ENO3: variants seen among roughly 807,000 people sequenced by gnomAD.
ENO3 encodes the protein enolase 3.
Under a neutral mutation model 47.7 loss-of-function variants are expected in ENO3, and 46 were observed. The observed-to-expected ratio is 0.96, with a 90% confidence interval of 0.76 to 1.23. The LOEUF (loss-of-function observed/expected upper bound fraction) is 1.23, where lower values mean the gene tolerates loss of function less well. Ranked by LOEUF, ENO3 falls within the 50% of genes most tolerant of loss-of-function variation. The pLI is 0.00. For synonymous variants in ENO3, 223 were observed against 225.9 expected, an observed-to-expected ratio of 0.99 and a Z score of 0.11; for missense variants, 575 against 566.2, an observed-to-expected ratio of 1.02 and a Z score of -0.16.
At position 4,953,384 on chromosome 17, in the gene ENO3, G is replaced by A. The variant is rs989188780; in HGVS notation, c.310+43G>A. On this transcript the variant is annotated intron_variant, in intron 5 of 11. Coordinates refer to ENST00000519602, the MANE Select transcript of ENO3 (RefSeq NM_053013.4). ...GGTGGGGAAGGGATGAGGTGTGGGA[G>A]AGATGGCGAGAGGCCATGGGGTGAG... 5.0e-6 allele frequency: 8 copies of A among 1,612,978 alleles called. No individual in the cohort carries two copies. The African/African-American group carries it at 6.7e-5, about 13-fold the overall frequency.
chr17:4,957,038 G>C lies in ENO3; in HGVS notation c.1296G>C (p.Lys432Asn), dbSNP rs925086158. Residue 432 changes from lysine to asparagine, a missense_variant, in exon 12 of 12, where the codon AAG becomes AAC. Physicochemically the swap from Lys to Asn is moderately conservative, Grantham distance 94 (BLOSUM62 0). Coordinates refer to ENST00000519602, the MANE Select transcript of ENO3 (RefSeq NM_053013.4). Reference sequence around the variant, plus strand: ...CTGGACGCAAGTTCCGTAACCCGAAGGCCAAGTGAGAAGCTGGAGGCTCCA... The same window carrying C: ...CTGGACGCAAGTTCCGTAACCCGAACGCCAAGTGAGAAGCTGGAGGCTCCA... ...IFAGRKFRNP[K>N]AK 13 of 1,614,048 alleles carry C rather than the reference G, an allele frequency of 8.1e-6. No homozygotes were observed. The highest frequency in any genetic ancestry group is 1.6e-4 in the Middle Eastern group (1 of 6,072).
rs906599050 is a variant in ENO3 at position 4,954,963 on chromosome 17, C to T, written c.445-112C>T. 1.5e-5 allele frequency: 13 copies of T among 865,912 alleles called. No homozygotes were observed. In the African/African-American group the frequency reaches 2.2e-4, roughly 15 times the overall value. 53.6% of individuals were successfully genotyped at this position (865,912 alleles called of 1,614,324 possible). ...TTGAGCAAAACTACTCATCCTAGAC[C>T]ACTGAGCTAGTAAGTAGGGAAGCCA... On this transcript the variant is annotated intron_variant, in intron 6 of 11. Coordinates refer to ENST00000519602, the MANE Select transcript of ENO3 (RefSeq NM_053013.4).
chr17:4,950,022 C>A (rs921852959), upstream of ENO3, among the ~76,000 whole-genome samples: 7 of 123,754 alleles, frequency 5.7e-5, no homozygotes, highest in Non-Finnish European at 1.2e-4. Context: ...GGACGGGTGG[C>A]GGGGCAGGTG....
intron 3 of ENO3, 30 bp from the exon 4 acceptor site, chr17:4,953,021 G>A: frequency 6.2e-7 from 1 of 1,613,932 alleles, no homozygotes; most frequent in Non-Finnish European, 8.5e-7. Context: ...AGTTGATTGA[G>A]CTCCAAAACT....
chr17:4,957,097 C>G lies in ENO3; in HGVS notation c.*50C>G, dbSNP rs775535735. 22 of 1,609,164 alleles carry G rather than the reference C, an allele frequency of 1.4e-5. No homozygotes were observed. The highest frequency in any genetic ancestry group is 1.8e-5 in the Non-Finnish European group (21 of 1,176,646). ...CTGGACAGACCCAGGTCTTCCAGAC[C>G]TGCTTCCTGAAATAAACACTGGTGC... On this transcript the variant is annotated 3_prime_UTR_variant, in exon 12 of 12. Coordinates refer to ENST00000519602, the MANE Select transcript of ENO3 (RefSeq NM_053013.4).
chr17:4,951,378 T>C (rs535481050), intron 1 of ENO3, among the ~76,000 whole-genome samples, 196 bp downstream of exon 1: 61 of 151,976 alleles, frequency 4.0e-4, no homozygotes, highest in Admixed American at 3.5e-3. Flanking sequence ...GAAAGGAGGC[T>C]GTGAGGAGGG....
At chr17:4,952,076 G>A in intron 2 of ENO3, 162 bp downstream of exon 2, 1 of 766,400 alleles carries the variant, frequency 1.3e-6, no homozygotes, top group African/African-American at 1.7e-5. Context: ...TGGAAGCTAG[G>A]AGAAGCAGGA....
upstream of ENO3, chr17:4,951,067 C>T (rs1597694795): frequency 3.0e-6 from 3 of 985,394 alleles, no homozygotes; most frequent in Non-Finnish European, 3.6e-6. Flanking sequence ...GCGGGGCTGG[C>T]TGGGGACCGA....
intron 6 of ENO3, chr17:4,954,117 C>A: frequency 1.8e-6 from 1 of 558,904 alleles, no homozygotes; most frequent in Non-Finnish European, 3.2e-6. Flanking sequence ...GTTCCAACCC[C>A]ACACCCTACA....
chr17:4,952,830 A>G lies in ENO3; in HGVS notation c.121A>G (p.Thr41Ala), dbSNP rs1971586830. Residue 41 changes from threonine to alanine, a missense_variant, in exon 3 of 12, where the codon ACG (threonine) becomes GCG (alanine). Coordinates refer to ENST00000519602, the MANE Select transcript of ENO3 (RefSeq NM_053013.4). Reference protein sequence around the residue: ...FRAAVPSGASTGIYEALELRD... With the variant: ...FRAAVPSGASAGIYEALELRD... ...AGCAGCTGTGCCCAGTGGGGCTTCCACGGGTATCTATGAGGCTCTGGAACT... is the reference window on the plus strand; with the variant it reads ...AGCAGCTGTGCCCAGTGGGGCTTCCGCGGGTATCTATGAGGCTCTGGAACT... 1.2e-6 allele frequency: 2 copies of G among 1,611,844 alleles called. No homozygotes were observed. Among genetic ancestry groups the G allele is most frequent in the African/African-American group, 1.3e-5 (1 of 75,014 alleles).
chr17:4,954,053 C>T, intron 6 of ENO3: 1 of 743,886 alleles, frequency 1.3e-6, no homozygotes, highest in Non-Finnish European at 2.2e-6. Flanking sequence ...TCCTTCCCTG[C>T]CATATAACCC....
chr17:4,956,281 C>T (rs1182652455), intron 9 of ENO3, 138 bp downstream of exon 9: 4 of 1,070,264 alleles, frequency 3.7e-6, no homozygotes, highest in East Asian at 2.6e-5. Flanking sequence ...GATCTCAAGA[C>T]TTTGTTTGAC....
At chr17:4,951,680 C>T in intron 1 of ENO3, 148 bp from the exon 2 acceptor site, 1 of 832,248 alleles carries the variant, frequency 1.2e-6, no homozygotes, top group Non-Finnish European at 2.0e-6. Context: ...GGGGCTGCGC[C>T]TGCCTCTTTG....
chr17:4,951,570 T>G (rs1597695576), intron 1 of ENO3, among the ~76,000 whole-genome samples: 1 of 148,754 alleles, frequency 6.7e-6, no homozygotes, highest in Non-Finnish European at 1.5e-5. Flanking sequence ...TTGGGGGAGG[T>G]GGGGGCTTGG....
rs750825619 is a variant in ENO3, at chr17:4,956,821, C to T, written c.1177-10C>T. On this transcript the variant is annotated splice_polypyrimidine_tract_variant and intron_variant, in intron 10 of 11. Coordinates refer to ENST00000519602, the MANE Select transcript of ENO3 (RefSeq NM_053013.4). ...TCACCTAACCCTCCAAATTCTTCTT[C>T]CCTCATCAGATCAAGACTGGCGCCC... 2.5e-6 allele frequency: 4 copies of T among 1,614,094 alleles called. No homozygotes were observed. In the African/African-American group the frequency reaches 4.0e-5, roughly 16 times the overall value.
chr17:4,954,063 C>G, intron 6 of ENO3: 1 of 697,444 alleles, frequency 1.4e-6, no homozygotes, highest in Non-Finnish European at 2.4e-6. Flanking sequence ...CCATATAACC[C>G]AGTTCCTTCC....
Position 4,956,554 on chromosome 17 carries a change from A to G in ENO3, c.1068-19A>G, listed in dbSNP as rs1446135812. 10 of 1,613,824 alleles carry G rather than the reference A, an allele frequency of 6.2e-6. No homozygotes were observed. Among genetic ancestry groups the G allele is most frequent in the Non-Finnish European group, 8.5e-6 (10 of 1,179,704 alleles). On this transcript the variant is annotated intron_variant, in intron 9 of 11. Transcript: ENST00000519602. ...TGAGGAGGTTCTAGAAGGCCACATC[A>G]AATGTCCTCTCCACTCAGGTGCAAA...
At chr17:4,955,016 T>A in intron 6 of ENO3, 59 bp from the exon 7 acceptor site, 115 of 1,261,158 alleles carry the variant, frequency 9.1e-5, no homozygotes, top group East Asian at 2.2e-4. Context: ...CCCCCGCCCC[T>A]GTCCCTTCTT....
rs574181335 is a variant in ENO3, at chr17:4,953,055, C to T, written c.186C>T (p.Val62=). The T allele has an allele frequency of 1.9e-5, 31 of 1,614,204 alleles. No homozygotes were observed. The African/African-American group carries it at 3.7e-4, about 19-fold the overall frequency. The change falls in exon 4 of 12, where the codon GTC becomes GTT. Residue 62 remains valine, a synonymous_variant. Coordinates refer to ENST00000519602, the MANE Select transcript of ENO3 (RefSeq NM_053013.4). ...GDKGRYLGKG[V]LKAVENINNT... is the part of the protein sequence containing the mutation. ...CTCATCCTCTGGCCTGTCTAGGAGT[C>T]CTGAAGGCTGTGGAGAACATCAACA...
Sources: gnomAD v4.1 joint callset for allele counts (sites outside exome capture counted in the v4.1 genomes callset) on GRCh38, gnomAD v4.1.1 for gene constraint, MANE v1.5 for transcripts, NCBI Gene and HGNC (gene_info 2026-07-23, HGNC 2026-07-21) for gene names.